Variants in ZFHX3 observed in about 807,000 individuals in gnomAD.
ZFHX3 encodes zinc finger homeobox 3.
In ZFHX3, 42 loss-of-function variants were observed where a neutral mutation model predicts 279.1. The ratio of observed to expected loss-of-function variants is 0.15; its 90% CI spans 0.12 to 0.19. The LOEUF (loss-of-function observed/expected upper bound fraction) is 0.19. ZFHX3 is among the 10% of genes least tolerant of loss of function. The pLI, the probability that ZFHX3 is intolerant of heterozygous loss-of-function variation, is 1.00. For synonymous variants in ZFHX3, 2,293 were observed against 1,957.8 expected (o/e 1.17, Z -4.52); for missense variants, 4,981 against 4,754.0 (o/e 1.05, Z -1.40).
intron 3 of ZFHX3, among the ~76,000 whole-genome samples, chr16:73,409,414 G>A (rs1239379735): frequency 1.3e-5 from 2 of 152,168 alleles, no homozygotes; most frequent in African/African-American, 4.8e-5. Flanking sequence ...TTCCTTTTAA[G>A]AACTGTTTTC....
chr16:72,958,305 C>T lies in ZFHX3; in HGVS notation c.1841G>A (p.Gly614Glu), dbSNP rs1298159459. The change falls in exon 2 of 10, where the codon GGG becomes GAG. Residue 614 changes from glycine (G) to glutamate (E), a missense_variant. Transcript: ENST00000268489. The stretch of plus-strand genomic sequence containing the variant: ...GTGCTGGTGATGGGGAACGAAGCCC[C>T]CATCGTCACCCTCTGTGCTTTCATT... ...EPNESTEGDD[G>E]GFVPHHQHAG... The T allele has an allele frequency of 1.2e-6, 2 of 1,614,024 alleles. No individual in the cohort carries two copies.
intron 8 of ZFHX3, among the ~76,000 whole-genome samples, chr16:73,091,179 C>T (rs1016508925): frequency 2.0e-5 from 3 of 150,994 alleles, no homozygotes; most frequent in African/African-American, 4.9e-5. Flanking sequence ...CCACTGTACT[C>T]CAGCCTGGGC....
intron 2 of ZFHX3, among the ~76,000 whole-genome samples, chr16:73,605,484 G>A (rs1396193562): frequency 6.6e-6 from 1 of 152,162 alleles, no homozygotes; most frequent in Non-Finnish European, 1.5e-5. Flanking sequence ...CCCAAATTAA[G>A]TCAGGATTCC....
chr16:73,358,808 T>C (rs1490411102), intron 3 of ZFHX3, among the ~76,000 whole-genome samples: 3 of 152,242 alleles, frequency 2.0e-5, no homozygotes, highest in Non-Finnish European at 4.4e-5. Context: ...CACCAGGATC[T>C]GAATTCTGGC....
At chr16:73,792,183 G>A (rs1454473062) in intron 1 of ZFHX3, among the ~76,000 whole-genome samples, 1 of 152,134 alleles carries the variant, frequency 6.6e-6, no homozygotes, top group Non-Finnish European at 1.5e-5. Context: ...TGAAAACTGA[G>A]CATTTTTATA....
chr16:72,904,385 A>T, intron 3 of ZFHX3, among the ~76,000 whole-genome samples: 1 of 141,280 alleles, frequency 7.1e-6, no homozygotes, highest in South Asian at 2.1e-4. Flanking sequence ...TAAATAAATA[A>T]ATAAATAAAT....
chr16:73,049,730 G>A (rs1375793351), upstream of ZFHX3, among the ~76,000 whole-genome samples: 3 of 152,176 alleles, frequency 2.0e-5, no homozygotes, highest in African/African-American at 7.2e-5. Context: ...GGGGAGTTAA[G>A]AGCCAACAGG....
chr16:73,501,271 A>T (rs750258331), intron 2 of ZFHX3, among the ~76,000 whole-genome samples: 5 of 152,242 alleles, frequency 3.3e-5, no homozygotes, highest in Non-Finnish European at 5.9e-5. Context: ...TCACACAATG[A>T]CAAAATTGAT....
intron 1 of ZFHX3, among the ~76,000 whole-genome samples, chr16:73,002,416 TCTC>T (rs1238389977): frequency 3.9e-5 from 6 of 152,064 alleles, no homozygotes; most frequent in Admixed American, 1.3e-4. Flanking sequence ...CAGAGCGTCT[TCTC>T]CTTGGTTAAT....
At chr16:73,253,148 G>C (rs1459352408) in intron 5 of ZFHX3, among the ~76,000 whole-genome samples, 2 of 152,148 alleles carry the variant, frequency 1.3e-5, no homozygotes, top group African/African-American at 2.4e-5. Context: ...AACAGGCAAC[G>C]TTTGCTCAAG....
intron 3 of ZFHX3, among the ~76,000 whole-genome samples, chr16:72,925,116 G>A (rs1959375096): frequency 6.6e-6 from 1 of 152,208 alleles, no homozygotes. Context: ...TACAATCTGT[G>A]CTTTGTGTGC....
At chr16:73,339,427 A>G (rs2015986316) in intron 3 of ZFHX3, among the ~76,000 whole-genome samples, 1 of 152,238 alleles carries the variant, frequency 6.6e-6, no homozygotes, top group Non-Finnish European at 1.5e-5. Flanking sequence ...GAGCTGCTCA[A>G]CAGGTATTTG....
At chr16:73,044,253 T>A (rs1567648117) in intron 1 of ZFHX3, among the ~76,000 whole-genome samples, 1 of 152,174 alleles carries the variant, frequency 6.6e-6, no homozygotes, top group Non-Finnish European at 1.5e-5. Flanking sequence ...GATACCCCTA[T>A]GAGGTTCACT....
chr16:73,487,515 C>G (rs1392634748), intron 2 of ZFHX3: 1 of 391,732 alleles, frequency 2.6e-6, no homozygotes. Flanking sequence ...ATCTTCCCAC[C>G]TCAGCCTTCT....
chr16:73,456,597 C>G (rs981159992), intron 2 of ZFHX3, among the ~76,000 whole-genome samples: 1 of 152,228 alleles, frequency 6.6e-6, no homozygotes, highest in Admixed American at 6.5e-5. Context: ...CCAGCTTTGA[C>G]AGAAAGAAGG....
Position 72,795,656 on chromosome 16 carries a change from A to T in ZFHX3, c.7026T>A (p.Asp2342Glu), listed in dbSNP as rs188088904. ...ACAGCTTCTTCTGGTGCTTGATGAG[A>T]TCAAAGATGCGCTGAAACACCAGGC... is the stretch of plus-strand genomic sequence containing the variant. ...KCSLVFQRIF[D>E]LIKHQKKLCY... The change falls in exon 9 of 10, where the codon GAT becomes GAA. Residue 2342 changes from aspartate (D) to glutamate (E), a missense_variant. Physicochemically the swap from Asp to Glu is conservative, Grantham distance 45. Around this residue, in one of 7 missense-constraint regions of ZFHX3, gnomAD observed 744 missense variants for 701.3 expected, o/e 1.06. Coordinates refer to ENST00000268489, the MANE Select transcript of ZFHX3 (RefSeq NM_006885.4). 5.6e-6 allele frequency: 9 copies of T among 1,613,978 alleles called. 1 individual carries two copies. In the Admixed American group the frequency reaches 1.5e-4, roughly 27 times the overall value.
At chr16:73,448,684 A>AAGTG (rs1567487516) in intron 3 of ZFHX3, among the ~76,000 whole-genome samples, 107 of 66,894 alleles carry the variant, frequency 1.6e-3, no homozygotes, top group African/African-American at 3.7e-3. Flanking sequence ...ATATTTATAT[A>AAGTG]CGTGTGTGTG....
At chr16:72,945,084 A>T (rs1400370838) in intron 3 of ZFHX3, among the ~76,000 whole-genome samples, 1 of 152,098 alleles carries the variant, frequency 6.6e-6, no homozygotes, top group African/African-American at 2.4e-5. Context: ...AACCAGAGTG[A>T]CCCACACAAA....
chr16:73,345,826 T>C (rs753561668), intron 3 of ZFHX3, among the ~76,000 whole-genome samples: 4 of 152,162 alleles, frequency 2.6e-5, no homozygotes, highest in Non-Finnish European at 4.4e-5. Context: ...AGTCCTCTTC[T>C]CACCTGTGGT....
Sources: allele counts gnomAD v4.1 joint callset (sites outside exome capture counted in the v4.1 genomes callset), GRCh38; gene constraint gnomAD v4.1.1; regional missense constraint gnomAD v4.1.1; transcripts MANE v1.5; gene names NCBI Gene and HGNC (gene_info 2026-07-23, HGNC 2026-07-21).